Variants in ADAMTSL1 observed in about 807,000 individuals in gnomAD.
The protein encoded by ADAMTSL1 is ADAMTS like 1.
A neutral mutation model predicts 201.8 loss-of-function variants in ADAMTSL1; 126 were observed. The observed-to-expected ratio is 0.62, with a 90% CI of 0.54 to 0.72. The LOEUF (loss-of-function observed/expected upper bound fraction) is 0.72. ADAMTSL1 is among the 30% of genes least tolerant of loss of function. ADAMTSL1 has a pLI of 0.00. For missense variants in ADAMTSL1, 2,679 were observed against 2,277.8 expected (o/e 1.18, Z -3.59); for synonymous variants, 1,121 against 903.4 (o/e 1.24, Z -4.32).
At chr9:18,613,116 C>A (rs562353935) in intron 4 of ADAMTSL1, among the ~76,000 whole-genome samples, 235 of 152,230 alleles carry the variant, frequency 1.5e-3, no homozygotes, top group African/African-American at 5.5e-3. Flanking sequence ...AAAAAAAGCT[C>A]AACATCACTG....
intron 2 of ADAMTSL1, among the ~76,000 whole-genome samples, chr9:18,297,698 G>C (rs1833528239): frequency 6.6e-6 from 1 of 152,190 alleles, no homozygotes; most frequent in Non-Finnish European, 1.5e-5. Context: ...GCCCCCTAGG[G>C]GTGAGTAGTG....
At chr9:18,724,380 C>T (rs1251081540) in intron 15 of ADAMTSL1, among the ~76,000 whole-genome samples, 3 of 152,186 alleles carry the variant, frequency 2.0e-5, no homozygotes, top group South Asian at 2.1e-4. Flanking sequence ...CTTCTCTTGA[C>T]TCTGTGTGAT....
At chr9:18,452,651 A>C (rs913596447) in intron 2 of ADAMTSL1, among the ~76,000 whole-genome samples, 4 of 152,250 alleles carry the variant, frequency 2.6e-5, no homozygotes, top group African/African-American at 9.6e-5. Flanking sequence ...TAAGATAGAC[A>C]TTCCCATTAT....
chr9:17,981,997 C>G (rs1219027861), intron 1 of ADAMTSL1, among the ~76,000 whole-genome samples: 1 of 152,084 alleles, frequency 6.6e-6, no homozygotes, highest in Non-Finnish European at 1.5e-5. Context: ...GCCTTTGGGG[C>G]AAAAATGGCT....
At chr9:18,331,977 C>T (rs1835046037) in intron 2 of ADAMTSL1, among the ~76,000 whole-genome samples, 1 of 152,132 alleles carries the variant, frequency 6.6e-6, no homozygotes, top group Non-Finnish European at 1.5e-5. Flanking sequence ...CTTGATAAGG[C>T]ATTGGCAAGT....
At chr9:18,454,900 C>G (rs1458412607) in intron 2 of ADAMTSL1, among the ~76,000 whole-genome samples, 1 of 152,134 alleles carries the variant, frequency 6.6e-6, no homozygotes, top group Non-Finnish European at 1.5e-5. Flanking sequence ...GCTTCATAAA[C>G]TATGTATATT....
At chr9:17,993,269 ACATT>A (rs756851152) in intron 1 of ADAMTSL1, among the ~76,000 whole-genome samples, 1 of 152,192 alleles carries the variant, frequency 6.6e-6, no homozygotes, top group Non-Finnish European at 1.5e-5. Flanking sequence ...GGAAAGTGTG[ACATT>A]CATTCCTGTT....
chr9:18,489,845 G>C (rs1011346084), intron 1 of ADAMTSL1, among the ~76,000 whole-genome samples: 4 of 152,176 alleles, frequency 2.6e-5, no homozygotes, highest in African/African-American at 4.8e-5. Context: ...CCTCTCATCT[G>C]TTGAGGAAAT....
At chr9:18,399,227 A>G (rs1053677327) in intron 2 of ADAMTSL1, among the ~76,000 whole-genome samples, 15 of 135,878 alleles carry the variant, frequency 1.1e-4, no homozygotes, top group African/African-American at 4.1e-4. Context: ...ATAATTCACA[A>G]ACTTAAGGAT....
intron 1 of ADAMTSL1, among the ~76,000 whole-genome samples, chr9:18,157,057 G>C (rs1827188391): frequency 6.6e-6 from 1 of 151,986 alleles, no homozygotes; most frequent in South Asian, 2.1e-4. Context: ...GGAAGGTGAT[G>C]TCCTCCTCAT....
intron 23 of ADAMTSL1, among the ~76,000 whole-genome samples, chr9:18,868,033 C>T (rs1827652326): frequency 6.6e-6 from 1 of 152,144 alleles, no homozygotes; most frequent in Non-Finnish European, 1.5e-5. Context: ...TTTTTACTCT[C>T]TCTGCTTTAC....
intron 2 of ADAMTSL1, among the ~76,000 whole-genome samples, chr9:18,223,160 G>T (rs1436400613): frequency 6.6e-6 from 1 of 151,882 alleles, no homozygotes; most frequent in South Asian, 2.1e-4. Context: ...ATTACATGTT[G>T]AGCATCCGAA....
At chr9:18,427,380 G>C (rs910390743) in intron 2 of ADAMTSL1, among the ~76,000 whole-genome samples, 3 of 152,184 alleles carry the variant, frequency 2.0e-5, no homozygotes, top group Admixed American at 6.5e-5. Context: ...GCCACTTGAT[G>C]GGTAGAAAAA....
intron 13 of ADAMTSL1, among the ~76,000 whole-genome samples, chr9:18,686,475 C>T (rs939772093): frequency 6.6e-5 from 10 of 152,142 alleles, no homozygotes; most frequent in African/African-American, 2.4e-4. Flanking sequence ...AGTAAATAAG[C>T]AGTTCTTTTT....
intron 2 of ADAMTSL1, among the ~76,000 whole-genome samples, chr9:18,314,203 G>A (rs535013676): frequency 6.6e-6 from 1 of 152,206 alleles, no homozygotes; most frequent in African/African-American, 2.4e-5. Context: ...GAGGATATGG[G>A]GAAAAGAGAA....
chr9:18,093,701 G>C (rs2131822402), intron 1 of ADAMTSL1, among the ~76,000 whole-genome samples: 1 of 152,248 alleles, frequency 6.6e-6, no homozygotes, highest in Admixed American at 6.5e-5. Flanking sequence ...AAAGTTTTTA[G>C]CCATCCCTGG....
At chr9:18,109,537 A>C (rs554856213) in intron 1 of ADAMTSL1, among the ~76,000 whole-genome samples, 11 of 152,328 alleles carry the variant, frequency 7.2e-5, no homozygotes, top group African/African-American at 2.6e-4. Context: ...GGGCAAATTT[A>C]AGGCATGGCC....
intron 2 of ADAMTSL1, among the ~76,000 whole-genome samples, chr9:18,257,170 TCACAA>T (rs1395960847): frequency 6.6e-6 from 1 of 152,244 alleles, no homozygotes; most frequent in African/African-American, 2.4e-5. Flanking sequence ...ATGGTGATCA[TCACAA>T]CACAATTCTT....
rs548754667 is a variant in ADAMTSL1 at position 18,790,926 on chromosome 9, A to G, written c.3678-4471A>G. 6.6e-5 allele frequency among the ~76,000 whole-genome samples: 10 copies of G among 152,154 alleles called. 1 individual carries two copies. Among genetic ancestry groups the G allele is most frequent in the Admixed American group, 3.3e-4 (5 of 15,272 alleles). Reference sequence around the variant, plus strand: ...TGTAGGTCTTAATTGTACCCATTCTATGTCCCCACATCCTCTGGTTCCATA... The same window carrying G: ...TGTAGGTCTTAATTGTACCCATTCTGTGTCCCCACATCCTCTGGTTCCATA... On this transcript the variant is annotated intron_variant, in intron 19 of 28. Transcript: ENST00000380548.
Sources: gnomAD v4.1 joint callset for allele counts (sites outside exome capture counted in the v4.1 genomes callset) on GRCh38, gnomAD v4.1.1 for gene constraint, MANE v1.5 for transcripts, NCBI Gene and HGNC (gene_info 2026-07-23, HGNC 2026-07-21) for gene names.